Variants in MAPT observed in about 807,000 individuals in gnomAD.
MAPT encodes the protein microtubule-associated protein tau.
In MAPT, 34 loss-of-function variants were observed where a neutral mutation model predicts 67.9. The ratio of observed to expected loss-of-function variants is 0.50; its 90% CI spans 0.38 to 0.67. MAPT has a LOEUF of 0.67. Ranked by LOEUF, MAPT falls within the 30% of genes least tolerant of loss-of-function variation. MAPT has a pLI of 0.00. For synonymous variants in MAPT, 456 were observed against 464.5 expected, an observed-to-expected ratio of 0.98 and a Z score of 0.23; for missense variants, 881 against 1,115.2, an observed-to-expected ratio of 0.79 and a Z score of 2.99.
Position 45,989,094 on chromosome 17 carries a change from AGAGG to A in MAPT, c.1408-783_1408-780del, listed in dbSNP as rs879789965. ...CATATGAGTCTGTCAGTGTGGTGGA[AGAGG>A]CCATGGGTTAATGGGCAGGTAAAAA... is the stretch of plus-strand genomic sequence containing the variant. On this transcript the variant is annotated intron_variant, in intron 6 of 12. Transcript: ENST00000262410. 1.5e-3 allele frequency among the ~76,000 whole-genome samples: 227 copies of A among 152,264 alleles called. 2 individuals are homozygous for A. The highest frequency in any genetic ancestry group is 0.011 in the Admixed American group (169 of 15,294).
intron 6 of MAPT, among the ~76,000 whole-genome samples, chr17:45,988,403 C>T (rs2073774443): frequency 6.6e-6 from 1 of 152,190 alleles, no homozygotes; most frequent in African/African-American, 2.4e-5. Context: ...CCTCCAAACA[C>T]CCCCTTCTCC....
intron 9 of MAPT, among the ~76,000 whole-genome samples, chr17:46,004,873 TC>T (rs1367915742): frequency 6.6e-6 from 1 of 152,214 alleles, no homozygotes; most frequent in Non-Finnish European, 1.5e-5. Context: ...AAGCTCCACC[TC>T]CCGGGTTCAT....
chr17:46,024,203 G>T lies in MAPT; in HGVS notation c.*32G>T. On this transcript the variant is annotated 3_prime_UTR_variant, in exon 13 of 13. Transcript: ENST00000262410. Reference sequence around the variant, plus strand: ...CCCTGGGGCGGTCAATAATTGTGGAGAGGAGAGAATGAGAGAGTGTGGAAA... The same window carrying T: ...CCCTGGGGCGGTCAATAATTGTGGATAGGAGAGAATGAGAGAGTGTGGAAA... The T allele has an allele frequency of 6.3e-7, 1 of 1,582,552 alleles. No homozygotes were observed.
chr17:46,006,133 C>T (rs916790182), intron 9 of MAPT, among the ~76,000 whole-genome samples: 7 of 152,248 alleles, frequency 4.6e-5, no homozygotes, highest in South Asian at 2.1e-4. Flanking sequence ...GTAGGTCAGG[C>T]GCTCCTGTGT....
intron 9 of MAPT, among the ~76,000 whole-genome samples, chr17:45,997,946 C>T (rs765033993): frequency 6.6e-6 from 1 of 152,122 alleles, no homozygotes; most frequent in Non-Finnish European, 1.5e-5. Context: ...CAATTCAGCC[C>T]AGGACCCCGC....
chr17:45,970,378 TCATC>T (rs540831073), intron 2 of MAPT, among the ~76,000 whole-genome samples: 4 of 146,982 alleles, frequency 2.7e-5, no homozygotes, highest in Non-Finnish European at 4.5e-5. Flanking sequence ...ATTCATCCAA[TCATC>T]CATCCATCCA....
intron 1 of MAPT, among the ~76,000 whole-genome samples, chr17:45,932,992 G>C (rs1326522280): frequency 6.6e-6 from 1 of 152,046 alleles, no homozygotes; most frequent in Non-Finnish European, 1.5e-5. Flanking sequence ...TGAGGCAGGA[G>C]AATCTCTTGA....
intron 1 of MAPT, among the ~76,000 whole-genome samples, chr17:45,924,341 T>C (rs928117180): frequency 6.6e-6 from 1 of 152,224 alleles, no homozygotes; most frequent in African/African-American, 2.4e-5. Flanking sequence ...CTGGAGGCTC[T>C]TTTGCTCAGT....
intron 1 of MAPT, among the ~76,000 whole-genome samples, chr17:45,956,844 G>A (rs1209081687): frequency 6.6e-6 from 1 of 150,912 alleles, no homozygotes; most frequent in African/African-American, 2.4e-5. Flanking sequence ...AGAACATGCT[G>A]TGTTTGGTTT....
intron 2 of MAPT, among the ~76,000 whole-genome samples, chr17:45,962,998 A>G (rs2070625901): frequency 6.6e-6 from 1 of 152,206 alleles, no homozygotes; most frequent in Non-Finnish European, 1.5e-5. Context: ...AGGGACAGAG[A>G]TTTTAGGGCC....
chr17:45,899,652 A>G (rs62056793), intron 1 of MAPT, among the ~76,000 whole-genome samples: 21,830 of 152,230 alleles, frequency 0.14, 2,139 homozygotes, highest in Middle Eastern at 0.22. Flanking sequence ...TTGACCCAGT[A>G]GAATATTGAT....
At chr17:45,948,208 G>A (rs531084251) in intron 1 of MAPT, among the ~76,000 whole-genome samples, 1 of 152,138 alleles carries the variant, frequency 6.6e-6, no homozygotes, top group Non-Finnish European at 1.5e-5. Flanking sequence ...GTTTCTCAAT[G>A]TTAGCCAGGC....
In MAPT at chr17:46,023,982, C is replaced by A. The variant is rs373462041; in HGVS notation, c.2313C>A (p.Arg771=). The A allele has an allele frequency of 6.2e-7, 1 of 1,614,122 alleles. No individual in the cohort carries two copies. Among genetic ancestry groups the A allele is most frequent in the Non-Finnish European group, 8.5e-7 (1 of 1,180,040 alleles). Residue 771 remains arginine, a synonymous_variant, in exon 13 of 13, where the codon CGC becomes CGA. Coordinates refer to ENST00000262410, the MANE Select transcript of MAPT (RefSeq NM_001377265.1). ...TTGAAACCCACAAGCTGACCTTCCG[C>A]GAGAACGCCAAAGCCAAGACAGACC... ...KKIETHKLTF[R]ENAKAKTDHG...
chr17:46,024,431 A>G lies in MAPT; in HGVS notation c.*260A>G. ...AATATTTAAAAAAAAACATTCAAAA[A>G]CATGGCCACATCCAACATTTCCTCA... On this transcript the variant is annotated 3_prime_UTR_variant, in exon 13 of 13. Coordinates refer to ENST00000262410, the MANE Select transcript of MAPT (RefSeq NM_001377265.1). 1.8e-6 allele frequency: 1 copy of G among 562,692 alleles called. No individual in the cohort carries two copies. The allele number at this position is 562,692 out of a possible 1,614,324, so 34.9% of individuals were successfully genotyped here.
At chr17:45,949,786 T>C (rs1237881340) in intron 1 of MAPT, among the ~76,000 whole-genome samples, 2 of 152,150 alleles carry the variant, frequency 1.3e-5, no homozygotes, top group Admixed American at 6.5e-5. Flanking sequence ...CAAACTGTAC[T>C]GCCTTGAGTA....
At position 46,027,090 on chromosome 17, in the gene MAPT, G is replaced by C. The variant is rs899940167; in HGVS notation, c.*2919G>C. 2 of 152,230 alleles carry C rather than the reference G, an allele frequency of 1.3e-5. No homozygotes were observed. The highest frequency in any genetic ancestry group is 4.8e-5 in the African/African-American group (2 of 41,442). The allele number at this position is 152,230 out of a possible 1,614,324, so 9.4% of individuals were successfully genotyped here. Reference sequence around the variant, plus strand: ...GAGAAGGAGAAGGAAATGTGGGGTAGATTTGGTGGTGGTTAGAGATATGCC... The same window carrying C: ...GAGAAGGAGAAGGAAATGTGGGGTACATTTGGTGGTGGTTAGAGATATGCC... On this transcript the variant is annotated 3_prime_UTR_variant, in exon 13 of 13. Transcript: ENST00000262410.
At chr17:45,943,850 T>G (rs1295009909) in intron 1 of MAPT, among the ~76,000 whole-genome samples, 1 of 152,184 alleles carries the variant, frequency 6.6e-6, no homozygotes, top group Non-Finnish European at 1.5e-5. Context: ...GAAGTTTACC[T>G]TCGCTCCACC....
At chr17:46,021,923 TG>T (rs2076552064) in intron 12 of MAPT, among the ~76,000 whole-genome samples, 1 of 152,182 alleles carries the variant, frequency 6.6e-6, no homozygotes, top group African/African-American at 2.4e-5. Context: ...TAACAAGCAG[TG>T]GGGCACACCA....
At chr17:45,907,597 A>G (rs2064413606) in intron 1 of MAPT, 1 of 152,190 alleles carries the variant, frequency 6.6e-6, no homozygotes, top group Non-Finnish European at 1.5e-5. Context: ...AGCTCTCCTT[A>G]TTTAAATCAA....
Sources: allele counts gnomAD v4.1 joint callset (sites outside exome capture counted in the v4.1 genomes callset), GRCh38; gene constraint gnomAD v4.1.1; transcripts MANE v1.5; gene names NCBI Gene and HGNC (gene_info 2026-07-23, HGNC 2026-07-21).